Variants in FST observed in about 807,000 individuals in gnomAD.
FST encodes the protein activin-binding protein.
FST carries 6 observed loss-of-function variants against 38.4 expected under a neutral mutation model. The observed-to-expected ratio is 0.16, with a 90% CI of 0.09 to 0.31. The LOEUF is 0.31. FST is among the 10% of genes least tolerant of loss of function. The pLI is 1.00. For missense variants in FST, 301 were observed against 432.3 expected (o/e 0.70, Z 2.69); for synonymous variants, 157 against 169.8 (o/e 0.92, Z 0.59).
rs1348528923 is a variant in FST at position 53,480,933 on chromosome 5, T to G, written c.85+57T>G. The stretch of plus-strand genomic sequence containing the variant: ...GGCTGAGGACAGGGGGGTCGACTTT[T>G]CTGTGGTCTCCACTTGGTCTGTTCT... On this transcript the variant is annotated intron_variant, in intron 1 of 5. Coordinates refer to ENST00000256759, the MANE Select transcript of FST (RefSeq NM_013409.3). The G allele has an allele frequency of 3.3e-6, 3 of 903,128 alleles. No homozygotes were observed. The African/African-American group carries it at 5.1e-5, about 15-fold the overall frequency. The allele number at this position is 903,128 out of a possible 1,614,324, so 55.9% of individuals were successfully genotyped here.
At chr5:53,481,964 T>TC (rs1328854944) in intron 1 of FST, among the ~76,000 whole-genome samples, 2 of 152,230 alleles carry the variant, frequency 1.3e-5, no homozygotes, top group Non-Finnish European at 2.9e-5. Context: ...CCCCTCGCCG[T>TC]CTGCATGGCA....
In FST at chr5:53,485,003, A is replaced by G; in HGVS notation, c.728A>G (p.Lys243Arg). ...LAYEGKCIKA[K>R]SCEDIQCTGG... ...CAGATGTATTATATCCTAGAAGCAA[A>G]GTCCTGTGAAGATATCCAGTGCACT... Residue 243 changes from lysine to arginine, a missense_variant, in exon 5 of 6, where the codon AAG becomes AGG. Lys to Arg is a conservative substitution (Grantham distance 26, BLOSUM62 2). Transcript: ENST00000256759. The G allele has an allele frequency of 6.4e-7, 1 of 1,561,964 alleles. No homozygotes were observed. Among genetic ancestry groups the G allele is most frequent in the Non-Finnish European group, 8.8e-7 (1 of 1,132,302 alleles).
intron 1 of FST, 79 bp from the exon 2 acceptor site, chr5:53,482,801 T>G: frequency 1.2e-6 from 1 of 836,528 alleles, no homozygotes; most frequent in Non-Finnish European, 1.9e-6. Context: ...CGGGTCTCCT[T>G]CGCTAGCCAC....
Position 53,486,234 on chromosome 5 carries a change from G to C in FST, c.*201G>C, listed in dbSNP as rs534564418. 2.3e-6 allele frequency: 1 copy of C among 426,516 alleles called. No homozygotes were observed. The highest frequency in any genetic ancestry group is 2.1e-5 in the African/African-American group (1 of 48,300). 26.4% of individuals were successfully genotyped at this position (426,516 alleles called of 1,614,324 possible). The stretch of plus-strand genomic sequence containing the variant: ...CCTTGTTACTCATTGGACACGGAGA[G>C]GCATTCATTGTGAGGTCTACTGGAT... On this transcript the variant is annotated 3_prime_UTR_variant, in exon 6 of 6. Coordinates refer to ENST00000256759, the MANE Select transcript of FST (RefSeq NM_013409.3).
At chr5:53,485,549 T>G (rs569519820) in intron 5 of FST, 30 of 291,974 alleles carry the variant, frequency 1.0e-4, no homozygotes, top group Admixed American at 2.9e-4. Flanking sequence ...TTCAAAAGTT[T>G]TTTTTTTTTT....
chr5:53,486,054 G>A lies in FST; in HGVS notation c.*21G>A. ...GGTAAACTCTCTATAAGTGTTCAGTGTTGACATAGCCTTTGTGCAAAAAAA... is the reference window on the plus strand; with the variant it reads ...GGTAAACTCTCTATAAGTGTTCAGTATTGACATAGCCTTTGTGCAAAAAAA... On this transcript the variant is annotated 3_prime_UTR_variant, in exon 6 of 6. Coordinates refer to ENST00000256759, the MANE Select transcript of FST (RefSeq NM_013409.3). The A allele has an allele frequency of 2.0e-6, 1 of 502,950 alleles. No homozygotes were observed. The highest frequency in any genetic ancestry group is 3.4e-6 in the Non-Finnish European group (1 of 294,432). 31.2% of individuals were successfully genotyped at this position (502,950 alleles called of 1,614,324 possible). A position where few individuals can be genotyped will look rare whatever the true frequency, so the allele number is the denominator to read the frequency against.
chr5:53,483,221 T>C lies in FST; in HGVS notation c.277+150T>C. On this transcript the variant is annotated intron_variant, in intron 2 of 5. Coordinates refer to ENST00000256759, the MANE Select transcript of FST (RefSeq NM_013409.3). This position sits in a 1 kb window ranked among gnomAD's most constrained non-coding sequence, Gnocchi z 4.1. Reference sequence around the variant, plus strand: ...TTGCCCTGGTAAGCCGTGCAGACTCTAATTCTGCCTGTTACAGGCTGTAGG... The same window carrying C: ...TTGCCCTGGTAAGCCGTGCAGACTCCAATTCTGCCTGTTACAGGCTGTAGG... 1 of 644,420 alleles carries C rather than the reference T, an allele frequency of 1.6e-6. No individual in the cohort carries two copies. Among genetic ancestry groups the C allele is most frequent in the African/African-American group, 1.8e-5 (1 of 54,970 alleles). 39.9% of individuals were successfully genotyped at this position (644,420 alleles called of 1,614,324 possible).
intron 5 of FST, 98 bp from the exon 6 acceptor site, chr5:53,485,853 A>ATGGC: frequency 1.3e-6 from 2 of 1,598,392 alleles, no homozygotes; most frequent in East Asian, 4.5e-5. Context: ...ACGCTGTAAT[A>ATGGC]TGGCTGTATC....
chr5:53,484,992 C>T lies in FST; in HGVS notation c.722-5C>T, dbSNP rs765780431. On this transcript the variant is annotated splice_polypyrimidine_tract_variant and splice_region_variant and intron_variant, in intron 4 of 5. Transcript: ENST00000256759. ...TTTACTCATCACAGATGTATTATAT[C>T]CTAGAAGCAAAGTCCTGTGAAGATA... The T allele has an allele frequency of 2.0e-6, 3 of 1,478,344 alleles. No individual in the cohort carries two copies. In the South Asian group the frequency reaches 3.4e-5, roughly 17 times the overall value. The allele number at this position is 1,478,344 out of a possible 1,614,324, so 91.6% of individuals were successfully genotyped here.
rs1747157485 is a variant in FST, at chr5:53,480,845, C to T, written c.54C>T (p.Leu18=). ...GGCTTTGCCTCCTGCTGCTGCTGCT[C>T]TGCCAGTTCATGGAGGACCGCAGTG... ...PGGLCLLLLL[L]CQFMEDRSAQ... The change falls in exon 1 of 6, where the codon CTC becomes CTT. Residue 18 remains leucine (L), a synonymous_variant. Coordinates refer to ENST00000256759, the MANE Select transcript of FST (RefSeq NM_013409.3). The T allele has an allele frequency of 6.5e-7, 1 of 1,535,082 alleles. No individual in the cohort carries two copies. Among genetic ancestry groups the T allele is most frequent in the South Asian group, 1.2e-5 (1 of 82,170 alleles).
intron 5 of FST, 87 bp from the exon 6 acceptor site, chr5:53,485,864 A>G (rs755921485): frequency 6.3e-7 from 1 of 1,597,118 alleles, no homozygotes; most frequent in Non-Finnish European, 8.5e-7. Flanking sequence ...TGGCTGTATC[A>G]GAGGGCTTTG....
intron 1 of FST, among the ~76,000 whole-genome samples, chr5:53,482,380 G>A (rs3756498): frequency 0.2 from 26,204 of 133,418 alleles, 2,392 homozygotes; most frequent in Middle Eastern, 0.34. Flanking sequence ...CCTCTCTCTC[G>A]TTCTCTTACT....
rs1413645233 is a variant in FST at position 53,480,754 on chromosome 5, C to G, written c.-38C>G. On this transcript the variant is annotated 5_prime_UTR_variant, in exon 1 of 6. Transcript: ENST00000256759. ...GCCACCCGCCGCCGCGCCGGCTCCCCGCGCCGCTGCGCTCCTCGCCCCGCG... is the reference window on the plus strand; with the variant it reads ...GCCACCCGCCGCCGCGCCGGCTCCCGGCGCCGCTGCGCTCCTCGCCCCGCG... 2 of 1,025,410 alleles carry G rather than the reference C, an allele frequency of 2.0e-6. No individual in the cohort carries two copies. The highest frequency in any genetic ancestry group is 4.2e-5 in the East Asian group (1 of 23,776). 63.5% of individuals were successfully genotyped at this position (1,025,410 alleles called of 1,614,324 possible).
intron 5 of FST, chr5:53,485,648 T>C (rs1747506992): frequency 7.6e-7 from 1 of 1,316,002 alleles, no homozygotes; most frequent in Non-Finnish European, 1.1e-6. Flanking sequence ...CCAAAGCAGT[T>C]ATACCTAGAA....
Position 53,486,072 on chromosome 5 carries a change from CAAAAAAAAAAAAAAAA to C in FST, c.*45_*60del. On this transcript the variant is annotated 3_prime_UTR_variant, in exon 6 of 6. Coordinates refer to ENST00000256759, the MANE Select transcript of FST (RefSeq NM_013409.3). Reference sequence around the variant, plus strand: ...GTTCAGTGTTGACATAGCCTTTGTGCAAAAAAAAAAAAAAAAAAAAAGAAAAAGAAAAAAAGAAAAA... The same window carrying C: ...GTTCAGTGTTGACATAGCCTTTGTGCAAAAAGAAAAAGAAAAAAAGAAAAA... 7.8e-6 allele frequency: 2 copies of C among 254,894 alleles called. No homozygotes were observed. Among genetic ancestry groups the C allele is most frequent in the Non-Finnish European group, 1.3e-5 (2 of 156,054 alleles). The allele number at this position is 254,894 out of a possible 1,614,324, so 15.8% of individuals were successfully genotyped here.
rs1249476182 is a variant in FST at position 53,480,817 on chromosome 5, G to C, written c.26G>C (p.Gly9Ala). 6.6e-7 allele frequency: 1 copy of C among 1,525,844 alleles called. No individual in the cohort carries two copies. The highest frequency in any genetic ancestry group is 8.8e-7 in the Non-Finnish European group (1 of 1,134,384). 94.5% of individuals were successfully genotyped at this position (1,525,844 alleles called of 1,614,324 possible). Residue 9 changes from glycine (G) to alanine (A), a missense_variant, in exon 1 of 6, where the codon GGT becomes GCT. Gly to Ala is a moderately conservative substitution (Grantham distance 60). Coordinates refer to ENST00000256759, the MANE Select transcript of FST (RefSeq NM_013409.3). Reference protein sequence around the residue: MVRARHQPGGLCLLLLLLC... With the variant: MVRARHQPAGLCLLLLLLC... ...ATGGTCCGCGCGAGGCACCAGCCGGGTGGGCTTTGCCTCCTGCTGCTGCTG... is the reference window on the plus strand; with the variant it reads ...ATGGTCCGCGCGAGGCACCAGCCGGCTGGGCTTTGCCTCCTGCTGCTGCTG...
chr5:53,481,788 G>A (rs2112330649), intron 1 of FST, among the ~76,000 whole-genome samples: 1 of 152,320 alleles, frequency 6.6e-6, no homozygotes, highest in South Asian at 2.1e-4. Context: ...TTAAAAAGGG[G>A]GAAGAGGGAG....
chr5:53,484,884 T>C, intron 4 of FST, 113 bp from the exon 5 acceptor site: 1 of 617,302 alleles, frequency 1.6e-6, no homozygotes, highest in Non-Finnish European at 2.9e-6. Flanking sequence ...CTATTACTAT[T>C]ATGTTTATAT....
chr5:53,483,484 T>C lies in FST; in HGVS notation c.278-20T>C. On this transcript the variant is annotated intron_variant, in intron 2 of 5. Coordinates refer to ENST00000256759, the MANE Select transcript of FST (RefSeq NM_013409.3). This position sits in a 1 kb window ranked among gnomAD's most constrained non-coding sequence, Gnocchi z 4.1. ...ACTGCCTGGCTCTGGTTTTAATCCA[T>C]GCCTGTTTCTAACTCACAGAAACGT... 1 of 1,592,920 alleles carries C rather than the reference T, an allele frequency of 6.3e-7. No homozygotes were observed. Among genetic ancestry groups the C allele is most frequent in the South Asian group, 1.1e-5 (1 of 90,538 alleles).
Sources: allele counts gnomAD v4.1 joint callset (sites outside exome capture counted in the v4.1 genomes callset), GRCh38; gene constraint gnomAD v4.1.1; non-coding constraint Gnocchi (gnomAD v3.1); transcripts MANE v1.5; gene names NCBI Gene and HGNC (gene_info 2026-07-23, HGNC 2026-07-21).